The following PARD6G variants were observed in gnomAD, a reference collection of about 807,000 sequenced individuals.
PARD6G encodes par-6 family cell polarity regulator gamma.
In PARD6G, 7 loss-of-function variants were observed where a neutral mutation model predicts 10.7. That is an observed-to-expected ratio of 0.66 (90% CI 0.37 to 1.23). The LOEUF is 1.23. Ranked by LOEUF, PARD6G falls within the 50% of genes most tolerant of loss-of-function variation. The pLI is 0.02. For missense variants in PARD6G, 548 were observed against 571.8 expected (o/e 0.96, Z 0.42); for synonymous variants, 287 against 269.4 (o/e 1.07, Z -0.64).
chr18:80,234,511 G>T (rs1190909220), intron 1 of PARD6G, among the ~76,000 whole-genome samples: 1 of 152,132 alleles, frequency 6.6e-6, no homozygotes, highest in African/African-American at 2.4e-5. Flanking sequence ...CCAGACAGGG[G>T]TCACAGTCTC....
chr18:80,222,492 G>A (rs1967242622), intron 1 of PARD6G, among the ~76,000 whole-genome samples: 1 of 152,140 alleles, frequency 6.6e-6, no homozygotes, highest in African/African-American at 2.4e-5. Flanking sequence ...TAGTCAGCAA[G>A]CTGATCCTAA....
chr18:80,191,336 G>A (rs965614970), intron 2 of PARD6G, among the ~76,000 whole-genome samples: 1 of 152,102 alleles, frequency 6.6e-6, no homozygotes, highest in Non-Finnish European at 1.5e-5. Context: ...TACATGAGGC[G>A]ATGCCTTTGT....
chr18:80,203,672 G>A, intron 1 of PARD6G, among the ~76,000 whole-genome samples: 1 of 152,188 alleles, frequency 6.6e-6, no homozygotes, highest in Non-Finnish European at 1.5e-5. Flanking sequence ...CTTGGGGCAG[G>A]GCTTAGGAAA....
intron 1 of PARD6G, among the ~76,000 whole-genome samples, chr18:80,227,588 C>T (rs1455906253): frequency 6.6e-6 from 1 of 152,242 alleles, no homozygotes; most frequent in African/African-American, 2.4e-5. Context: ...GAAGGAAGCA[C>T]TGAATTGCTC....
chr18:80,168,558 T>A (rs1368578601), intron 2 of PARD6G, among the ~76,000 whole-genome samples: 2 of 151,162 alleles, frequency 1.3e-5, no homozygotes, highest in East Asian at 3.9e-4. Flanking sequence ...TATCCTGTTT[T>A]CAGTCAAATT....
Position 80,246,108 on chromosome 18 carries a change from C to T in PARD6G, c.72+1169G>A, listed in dbSNP as rs369238904. On this transcript the variant is annotated intron_variant, in intron 1 of 2. Coordinates refer to ENST00000353265, the MANE Select transcript of PARD6G (RefSeq NM_032510.4). The surrounding 1 kb of genome is among the most constrained non-coding windows in gnomAD (Gnocchi z 6.7). ...CTCCCCAGAGACAGGGGAGGGAACACCCGCCCTGCGCCCAAGATAGGCACA... is the reference window on the plus strand; with the variant it reads ...CTCCCCAGAGACAGGGGAGGGAACATCCGCCCTGCGCCCAAGATAGGCACA... Among the ~76,000 whole-genome samples the T allele has an allele frequency of 2.6e-5, 4 of 152,066 alleles. No homozygotes were observed. Among genetic ancestry groups the T allele is most frequent in the Non-Finnish European group, 5.9e-5 (4 of 68,004 alleles).
At chr18:80,193,237 A>C (rs1394120286) in intron 2 of PARD6G, among the ~76,000 whole-genome samples, 7 of 152,156 alleles carry the variant, frequency 4.6e-5, no homozygotes, top group Non-Finnish European at 8.8e-5. Flanking sequence ...CGCTGGGAGA[A>C]GCAGCCAGGG....
chr18:80,198,931 T>C (rs1388875557), intron 2 of PARD6G, among the ~76,000 whole-genome samples: 1 of 152,212 alleles, frequency 6.6e-6, no homozygotes, highest in Non-Finnish European at 1.5e-5. Context: ...ATTTAAAGTG[T>C]AGAATTCAAT....
intron 2 of PARD6G, among the ~76,000 whole-genome samples, chr18:80,176,792 A>G (rs2052810319): frequency 6.6e-6 from 1 of 152,208 alleles, no homozygotes; most frequent in Non-Finnish European, 1.5e-5. Context: ...CGCGGCGGCC[A>G]CAGGCAAAAC....
rs927583686 is a variant in PARD6G, at chr18:80,183,157, G to A, written c.295+19553C>T. ...GGTCGCAGGGCTCCGTCATCTGCAG[G>A]AAAATTAGTGAAGAAGTGGAGGGCC... On this transcript the variant is annotated intron_variant, in intron 2 of 2. Coordinates refer to ENST00000353265, the MANE Select transcript of PARD6G (RefSeq NM_032510.4). This position sits in a 1 kb window ranked among gnomAD's most constrained non-coding sequence, Gnocchi z 4.5. 1.4e-6 allele frequency: 1 copy of A among 702,884 alleles called. No individual in the cohort carries two copies. Among genetic ancestry groups the A allele is most frequent in the Non-Finnish European group, 2.6e-6 (1 of 385,000 alleles). The allele number at this position is 702,884 out of a possible 1,614,324, so 43.5% of individuals were successfully genotyped here. A position where few individuals can be genotyped will look rare whatever the true frequency, so the allele number is the denominator to read the frequency against.
rs2052859261 is a variant in PARD6G at position 80,183,693 on chromosome 18, T to G, written c.295+19017A>C. The G allele has an allele frequency of 6.6e-6, 1 of 152,458 alleles. No homozygotes were observed. The highest frequency in any genetic ancestry group is 2.1e-4 in the South Asian group (1 of 4,836). The allele number at this position is 152,458 out of a possible 1,614,324, so 9.4% of individuals were successfully genotyped here. On this transcript the variant is annotated intron_variant, in intron 2 of 2. Transcript: ENST00000353265. This position sits in a 1 kb window ranked among gnomAD's most constrained non-coding sequence, Gnocchi z 4.5. Reference sequence around the variant, plus strand: ...CCCAGACCACAAAGGTGTATGGACTTAGCAAAACCAGTCATAATGATTTTT... The same window carrying G: ...CCCAGACCACAAAGGTGTATGGACTGAGCAAAACCAGTCATAATGATTTTT...
chr18:80,160,651 G>A (rs1291931861), intron 2 of PARD6G, 45 bp from the exon 3 acceptor site: 5 of 1,428,516 alleles, frequency 3.5e-6, no homozygotes, highest in East Asian at 2.6e-5. Flanking sequence ...ACCGAGCCCC[G>A]CCTGAGCCCT....
rs1191965473 is a variant in PARD6G, at chr18:80,188,294, G to A, written c.295+14416C>T. The stretch of plus-strand genomic sequence containing the variant: ...GAGGTGGCCTGATCTCACTGCCTGC[G>A]TCAGGGACTCAGATTCAAAGACTGA... On this transcript the variant is annotated intron_variant, in intron 2 of 2. Transcript: ENST00000353265. The surrounding 1 kb of genome is among the most constrained non-coding windows in gnomAD (Gnocchi z 5.4). Among the ~76,000 whole-genome samples, 3 of 152,204 alleles carry A rather than the reference G, an allele frequency of 2.0e-5. No homozygotes were observed. The highest frequency in any genetic ancestry group is 2.9e-5 in the Non-Finnish European group (2 of 68,038).
At position 80,175,501 on chromosome 18, in the gene PARD6G, G is replaced by C. The variant is rs550161096; in HGVS notation, c.296-14895C>G. Among the ~76,000 whole-genome samples, 2 of 152,244 alleles carry C rather than the reference G, an allele frequency of 1.3e-5. No individual in the cohort carries two copies. Among genetic ancestry groups the C allele is most frequent in the South Asian group, 4.1e-4 (2 of 4,820 alleles). The stretch of plus-strand genomic sequence containing the variant: ...GATTAGGTCAGGGCTTCGTCCTTAC[G>C]ATCTTATTTAACCTTCATCACCCCC... On this transcript the variant is annotated intron_variant, in intron 2 of 2. Transcript: ENST00000353265. The surrounding 1 kb of genome is among the most constrained non-coding windows in gnomAD (Gnocchi z 6.7).
chr18:80,195,329 G>A (rs9946781), intron 2 of PARD6G, among the ~76,000 whole-genome samples: 4,169 of 151,810 alleles, frequency 0.027, 181 homozygotes, highest in African/African-American at 0.095. Flanking sequence ...TGACAGGAGC[G>A]TCCATGAATA....
intron 1 of PARD6G, among the ~76,000 whole-genome samples, chr18:80,236,904 T>A (rs1382732913): frequency 6.6e-6 from 1 of 152,162 alleles, no homozygotes; most frequent in Non-Finnish European, 1.5e-5. Context: ...GAATCAATAT[T>A]GTGAAAATGG....
At position 80,189,135 on chromosome 18, in the gene PARD6G, C is replaced by A. The variant is rs2052894616; in HGVS notation, c.295+13575G>T. 6.6e-6 allele frequency: 1 copy of A among 152,254 alleles called. No individual in the cohort carries two copies. Among genetic ancestry groups the A allele is most frequent in the South Asian group, 2.1e-4 (1 of 4,834 alleles). The allele number at this position is 152,254 out of a possible 1,614,324, so 9.4% of individuals were successfully genotyped here. ...ACACTACAGCAGTTACCAGAGAGCA[C>A]AACTGTAATTGAAACAACCAGAAAT... On this transcript the variant is annotated intron_variant, in intron 2 of 2. Transcript: ENST00000353265. This position sits in a 1 kb window ranked among gnomAD's most constrained non-coding sequence, Gnocchi z 5.5.
rs2052896734 is a variant in PARD6G at position 80,189,616 on chromosome 18, G to A, written c.295+13094C>T. Among the ~76,000 whole-genome samples, 1 of 152,126 alleles carries A rather than the reference G, an allele frequency of 6.6e-6. No homozygotes were observed. Among genetic ancestry groups the A allele is most frequent in the Non-Finnish European group, 1.5e-5 (1 of 68,024 alleles). ...CCACGTCAGGAGCCCACCAGGCCAG[G>A]CAGGTCACCCTGGCCCCACAGTCCT... On this transcript the variant is annotated intron_variant, in intron 2 of 2. Transcript: ENST00000353265. This position sits in a 1 kb window ranked among gnomAD's most constrained non-coding sequence, Gnocchi z 5.5.
intron 2 of PARD6G, among the ~76,000 whole-genome samples, chr18:80,179,165 C>T (rs1447102108): frequency 1.3e-5 from 2 of 152,116 alleles, no homozygotes; most frequent in Non-Finnish European, 2.9e-5. Flanking sequence ...CACAGCCAAG[C>T]CCACGTGGTG....
Sources: gnomAD v4.1 joint callset for allele counts (sites outside exome capture counted in the v4.1 genomes callset) on GRCh38, gnomAD v4.1.1 for gene constraint, Gnocchi (gnomAD v3.1) non-coding constraint, MANE v1.5 for transcripts, NCBI Gene and HGNC (gene_info 2026-07-23, HGNC 2026-07-21) for gene names.